NFIX: variants seen among roughly 807,000 people sequenced by gnomAD.
NFIX encodes nuclear factor I X.
A neutral mutation model predicts 53.3 loss-of-function variants in NFIX; 2 were observed. The observed-to-expected ratio is 0.04, with a 90% CI of 0.02 to 0.12. NFIX has a LOEUF of 0.12. Ranked by LOEUF, NFIX falls within the 10% of genes least tolerant of loss-of-function variation. The probability of loss-of-function intolerance (pLI) is 1.00; values close to 1 mark genes in which losing one functional copy is unlikely to be tolerated. For synonymous variants in NFIX, 244 were observed against 289.0 expected (o/e 0.84, Z 1.58); for missense variants, 310 against 674.5 (o/e 0.46, Z 5.99).
In NFIX at chr19:13,089,681, T is replaced by G. The variant is rs934946162; in HGVS notation, c.1403-618T>G. ...GGCTCAGACCTCCATTGGGCACCCT[T>G]TGGGTTCCCCAAGCCTGCCTGCCTG... is the stretch of plus-strand genomic sequence containing the variant. On this transcript the variant is annotated intron_variant, in intron 9 of 10. Coordinates refer to ENST00000592199, the MANE Select transcript of NFIX (RefSeq NM_001365902.3). The surrounding 1 kb of genome is among the most constrained non-coding windows in gnomAD (Gnocchi z 4.8). Among the ~76,000 whole-genome samples, 3 of 152,200 alleles carry G rather than the reference T, an allele frequency of 2.0e-5. No individual in the cohort carries two copies. Among genetic ancestry groups the G allele is most frequent in the Non-Finnish European group, 4.4e-5 (3 of 68,004 alleles).
rs2012024253 is a variant in NFIX at position 13,006,539 on chromosome 19, G to T, written c.27+10675G>T. On this transcript the variant is annotated intron_variant, in intron 1 of 10. Transcript: ENST00000592199. The surrounding 1 kb of genome is among the most constrained non-coding windows in gnomAD (Gnocchi z 5.6). ...ACCCTGCTGCTCTGAGCTGGGGGAT[G>T]GGGCAGGGGCAGCTGGTGGCCCAGA... 6.6e-6 allele frequency among the ~76,000 whole-genome samples: 1 copy of T among 152,246 alleles called. No homozygotes were observed. Among genetic ancestry groups the T allele is most frequent in the African/African-American group, 2.4e-5 (1 of 41,462 alleles).
At chr19:13,024,961 C>T in intron 1 of NFIX, 60 bp from the exon 2 acceptor site, 1 of 1,548,352 alleles carries the variant, frequency 6.5e-7, no homozygotes, top group Non-Finnish European at 8.7e-7. Flanking sequence ...TCCCCCTCAT[C>T]CCGTCTTCCC....
At chr19:13,053,559 C>G (rs1394270191) in intron 2 of NFIX, among the ~76,000 whole-genome samples, 1 of 152,064 alleles carries the variant, frequency 6.6e-6, no homozygotes, top group Non-Finnish European at 1.5e-5. Flanking sequence ...GAGAAAGGCC[C>G]CTAACCATCC....
At chr19:13,007,896 C>T (rs146574056) in intron 1 of NFIX, among the ~76,000 whole-genome samples, 1 of 152,160 alleles carries the variant, frequency 6.6e-6, no homozygotes. Flanking sequence ...ACCACTCCCC[C>T]CTCTGTGGCA....
At chr19:13,041,490 G>A (rs1479821411) in intron 2 of NFIX, among the ~76,000 whole-genome samples, 1 of 152,040 alleles carries the variant, frequency 6.6e-6, no homozygotes, top group African/African-American at 2.4e-5. Context: ...AGACACTTAG[G>A]GATGCTGCTT....
intron 1 of NFIX, 127 bp from the exon 2 acceptor site, chr19:13,024,894 G>GAGA (rs929698834): frequency 2.3e-6 from 3 of 1,310,970 alleles, no homozygotes. Flanking sequence ...GGAGGAGGAG[G>GAGA]AGAAGGCGGT....
rs2011716610 is a variant in NFIX at position 13,001,844 on chromosome 19, C to T, written c.27+5980C>T. Among the ~76,000 whole-genome samples, 1 of 152,240 alleles carries T rather than the reference C, an allele frequency of 6.6e-6. No individual in the cohort carries two copies. Among genetic ancestry groups the T allele is most frequent in the African/African-American group, 2.4e-5 (1 of 41,466 alleles). On this transcript the variant is annotated intron_variant, in intron 1 of 10. Transcript: ENST00000592199. The surrounding 1 kb of genome is among the most constrained non-coding windows in gnomAD (Gnocchi z 6.5). ...AGCGGCTGGGAGCGGGCTGGCTGCT[C>T]AGTCCCTTCCCATGAGGTTGAGCGG...
intron 8 of NFIX, among the ~76,000 whole-genome samples, chr19:13,083,790 C>G (rs1386726483): frequency 1.3e-5 from 2 of 152,204 alleles, no homozygotes; most frequent in Non-Finnish European, 2.9e-5. Flanking sequence ...CGCCCGGCTT[C>G]TGGGAGGAGG....
At chr19:13,046,266 G>A (rs1414888709) in intron 2 of NFIX, among the ~76,000 whole-genome samples, 1 of 152,198 alleles carries the variant, frequency 6.6e-6, no homozygotes, top group East Asian at 1.9e-4. Context: ...GTGGGGCTGG[G>A]TGAGATGGGT....
chr19:13,023,751 A>G (rs1176620953), intron 1 of NFIX, among the ~76,000 whole-genome samples: 1 of 137,730 alleles, frequency 7.3e-6, no homozygotes, highest in Non-Finnish European at 1.5e-5. Context: ...TCTGCTTGCT[A>G]TCCCTGACCT....
intron 6 of NFIX, among the ~76,000 whole-genome samples, chr19:13,076,650 TCTC>T (rs1299898460): frequency 6.6e-6 from 1 of 152,166 alleles, no homozygotes; most frequent in Non-Finnish European, 1.5e-5. Flanking sequence ...TGGGCATCAT[TCTC>T]CTCCTCCAAA....
chr19:13,084,868 G>A (rs1261818808), intron 8 of NFIX, among the ~76,000 whole-genome samples: 5 of 152,000 alleles, frequency 3.3e-5, no homozygotes, highest in Non-Finnish European at 7.4e-5. Context: ...TTGGGAGTTC[G>A]AGACCAGCCT....
intron 8 of NFIX, chr19:13,082,591 C>T (rs543053247): frequency 3.9e-5 from 6 of 152,268 alleles, no homozygotes; most frequent in Admixed American, 3.3e-4. Context: ...CTGGCTCCCC[C>T]CAGAGCCCTT....
chr19:13,071,918 C>T (rs1303670441), intron 2 of NFIX, among the ~76,000 whole-genome samples: 1 of 152,228 alleles, frequency 6.6e-6, no homozygotes. Flanking sequence ...GGGCTGATGT[C>T]ACCTTTTGTG....
intron 2 of NFIX, among the ~76,000 whole-genome samples, chr19:13,065,018 T>C (rs1323202889): frequency 6.9e-6 from 1 of 144,964 alleles, no homozygotes; most frequent in African/African-American, 2.6e-5. Context: ...AGTCACAGGC[T>C]GGTAGGTTCT....
At position 13,051,305 on chromosome 19, in the gene NFIX, C is replaced by T. The variant is rs1294785365; in HGVS notation, c.560-21742C>T. Among the ~76,000 whole-genome samples the T allele has an allele frequency of 2.0e-5, 3 of 152,142 alleles. No individual in the cohort carries two copies. The highest frequency in any genetic ancestry group is 7.2e-5 in the African/African-American group (3 of 41,400). On this transcript the variant is annotated intron_variant, in intron 2 of 10. Transcript: ENST00000592199. The surrounding 1 kb of genome is among the most constrained non-coding windows in gnomAD (Gnocchi z 5.1). The stretch of plus-strand genomic sequence containing the variant: ...GGTAGGGGGATGCCTCAGGTGGGCA[C>T]ATCACGGTGCTGCCAAAGACTCAAG...
rs1273678128 is a variant in NFIX, at chr19:13,072,788, G to A, written c.560-259G>A. Among the ~76,000 whole-genome samples, 1 of 152,226 alleles carries A rather than the reference G, an allele frequency of 6.6e-6. No individual in the cohort carries two copies. Among genetic ancestry groups the A allele is most frequent in the Non-Finnish European group, 1.5e-5 (1 of 68,042 alleles). On this transcript the variant is annotated intron_variant, in intron 2 of 10. Coordinates refer to ENST00000592199, the MANE Select transcript of NFIX (RefSeq NM_001365902.3). The surrounding 1 kb of genome is among the most constrained non-coding windows in gnomAD (Gnocchi z 4.0). ...CAGATACCCCACAGTGCACAGGATG[G>A]TCCCCACCAGAGAGAGCAATCCAGG...
At chr19:13,019,633 G>A (rs1187163902) in intron 1 of NFIX, among the ~76,000 whole-genome samples, 2 of 150,986 alleles carry the variant, frequency 1.3e-5, no homozygotes, top group Admixed American at 6.6e-5. Context: ...TTTTTCTGTT[G>A]GGGGTACATT....
intron 6 of NFIX, among the ~76,000 whole-genome samples, chr19:13,077,395 A>C (rs2017174981): frequency 6.6e-6 from 1 of 152,122 alleles, no homozygotes; most frequent in Non-Finnish European, 1.5e-5. Context: ...CATGGGCTGC[A>C]ACAAATTGCC....
Sources: allele counts gnomAD v4.1 joint callset (sites outside exome capture counted in the v4.1 genomes callset), GRCh38; gene constraint gnomAD v4.1.1; non-coding constraint Gnocchi (gnomAD v3.1); transcripts MANE v1.5; gene names NCBI Gene and HGNC (gene_info 2026-07-23, HGNC 2026-07-21).